The following PEBP4 variants were observed in gnomAD, a reference collection of about 807,000 sequenced individuals.
PEBP4 encodes the protein phosphatidylethanolamine binding protein 4.
PEBP4 carries 22 observed loss-of-function variants against 23.9 expected under a neutral mutation model. That is an observed-to-expected ratio of 0.92 (90% CI 0.66 to 1.31). The LOEUF (loss-of-function observed/expected upper bound fraction) is 1.31, where lower values mean the gene tolerates loss of function less well. Ranked by LOEUF, PEBP4 falls within the 40% of genes most tolerant of loss-of-function variation. The pLI, the probability that PEBP4 is intolerant of heterozygous loss-of-function variation, is 0.00. For missense variants in PEBP4, 324 were observed against 281.7 expected, an observed-to-expected ratio of 1.15 and a Z score of -1.07; for synonymous variants, 112 against 99.3, an observed-to-expected ratio of 1.13 and a Z score of -0.76.
intron 3 of PEBP4, among the ~76,000 whole-genome samples, chr8:22,862,690 T>G (rs1807802485): frequency 6.6e-6 from 1 of 152,152 alleles, no homozygotes; most frequent in East Asian, 1.9e-4. Context: ...GTGAGAAAAC[T>G]GAGGTTTCAA....
intron 3 of PEBP4, among the ~76,000 whole-genome samples, chr8:22,851,054 C>G: frequency 6.6e-6 from 1 of 152,220 alleles, no homozygotes; most frequent in East Asian, 1.9e-4. Context: ...TTTCCATTGA[C>G]AGCTTCACAA....
intron 4 of PEBP4, among the ~76,000 whole-genome samples, chr8:22,735,791 G>A (rs764857240): frequency 1.4e-4 from 21 of 152,210 alleles, no homozygotes; most frequent in Admixed American, 5.9e-4. Flanking sequence ...TTTTGTCATC[G>A]ATGGCCTCAC....
intron 3 of PEBP4, among the ~76,000 whole-genome samples, chr8:22,911,540 C>G (rs1808939151): frequency 6.6e-6 from 1 of 152,238 alleles, no homozygotes; most frequent in Non-Finnish European, 1.5e-5. Context: ...TACTGCTCTT[C>G]TAAAAATCTG....
At chr8:22,881,934 C>T (rs920167187) in intron 3 of PEBP4, among the ~76,000 whole-genome samples, 2 of 152,144 alleles carry the variant, frequency 1.3e-5, no homozygotes, top group African/African-American at 2.4e-5. Flanking sequence ...AAGAATTACT[C>T]AAGGTAATAA....
chr8:22,830,038 A>G (rs1239362232), intron 3 of PEBP4, among the ~76,000 whole-genome samples: 2 of 151,432 alleles, frequency 1.3e-5, no homozygotes, highest in Admixed American at 6.6e-5. Context: ...CCTTCTTCCC[A>G]TGACTTCTGT....
intron 3 of PEBP4, among the ~76,000 whole-genome samples, chr8:22,846,501 C>T (rs999980480): frequency 6.6e-6 from 1 of 152,198 alleles, no homozygotes; most frequent in Admixed American, 6.5e-5. Context: ...CTAAACCTAC[C>T]TTTTCACTTG....
intron 3 of PEBP4, among the ~76,000 whole-genome samples, chr8:22,859,033 C>T (rs989110968): frequency 6.6e-6 from 1 of 152,206 alleles, no homozygotes; most frequent in Non-Finnish European, 1.5e-5. Context: ...GTCAGCATGG[C>T]ACGGGTGTCC....
chr8:22,918,532 T>G (rs1809127625), intron 3 of PEBP4, among the ~76,000 whole-genome samples: 1 of 152,178 alleles, frequency 6.6e-6, no homozygotes, highest in Non-Finnish European at 1.5e-5. Flanking sequence ...TTCAAATCCC[T>G]GCTCTGGAGG....
chr8:22,919,803 G>C (rs1448648920), intron 3 of PEBP4, among the ~76,000 whole-genome samples: 5 of 152,178 alleles, frequency 3.3e-5, no homozygotes, highest in African/African-American at 1.2e-4. Flanking sequence ...CGCGCCTTGA[G>C]AGAGGACTCC....
At chr8:22,809,305 T>C (rs946914364) in intron 4 of PEBP4, among the ~76,000 whole-genome samples, 1 of 152,180 alleles carries the variant, frequency 6.6e-6, no homozygotes, top group Non-Finnish European at 1.5e-5. Context: ...ATCAATCTCC[T>C]GCGTCCACAC....
intron 4 of PEBP4, among the ~76,000 whole-genome samples, chr8:22,728,723 G>A (rs879938233): frequency 9.2e-5 from 14 of 151,682 alleles, no homozygotes; most frequent in Non-Finnish European, 1.6e-4. Context: ...TCAACTTCCC[G>A]AGTAGCTGGA....
At chr8:22,752,107 G>C (rs996335208) in intron 4 of PEBP4, among the ~76,000 whole-genome samples, 2 of 152,092 alleles carry the variant, frequency 1.3e-5, no homozygotes, top group Non-Finnish European at 2.9e-5. Flanking sequence ...GAGTCTTGCT[G>C]TTTCCCAGGT....
chr8:22,800,396 G>A (rs1473987964), intron 4 of PEBP4, among the ~76,000 whole-genome samples: 1 of 151,904 alleles, frequency 6.6e-6, no homozygotes, highest in East Asian at 1.9e-4. Flanking sequence ...AAATAGAAGG[G>A]TAGAACCAGA....
chr8:22,739,184 C>T (rs939797700), intron 4 of PEBP4, among the ~76,000 whole-genome samples: 3 of 150,428 alleles, frequency 2.0e-5, no homozygotes, highest in African/African-American at 4.9e-5. Flanking sequence ...AGGAGGCAGT[C>T]GACCAAGAGG....
At chr8:22,753,148 C>T (rs916025697) in intron 4 of PEBP4, among the ~76,000 whole-genome samples, 2 of 152,196 alleles carry the variant, frequency 1.3e-5, no homozygotes, top group African/African-American at 2.4e-5. Flanking sequence ...CTGGGTACTA[C>T]AGGGGATACA....
At chr8:22,885,285 C>T (rs747462860) in intron 3 of PEBP4, 2 of 152,120 alleles carry the variant, frequency 1.3e-5, no homozygotes, top group Admixed American at 6.6e-5. Context: ...CTCTTATTTC[C>T]TCCTTTTACG....
At chr8:22,800,651 C>A (rs980190218) in intron 4 of PEBP4, among the ~76,000 whole-genome samples, 1 of 152,162 alleles carries the variant, frequency 6.6e-6, no homozygotes, top group Admixed American at 6.5e-5. Flanking sequence ...CATTGCAAAG[C>A]CTCAGGACGA....
intron 4 of PEBP4, chr8:22,755,731 T>C (rs988533289): frequency 6.6e-6 from 1 of 152,198 alleles, no homozygotes; most frequent in Non-Finnish European, 1.5e-5. Context: ...TTTTCAGCCA[T>C]GTGCAGTGGG....
chr8:22,901,152 A>G (rs1808702213), intron 3 of PEBP4, among the ~76,000 whole-genome samples: 1 of 152,216 alleles, frequency 6.6e-6, no homozygotes, highest in Admixed American at 6.5e-5. Flanking sequence ...TAAAACCTAT[A>G]TTCCACGGAC....
Sources: gnomAD v4.1 joint callset for allele counts (sites outside exome capture counted in the v4.1 genomes callset) on GRCh38, gnomAD v4.1.1 for gene constraint, MANE v1.5 for transcripts, NCBI Gene and HGNC (gene_info 2026-07-23, HGNC 2026-07-21) for gene names.